The following TBCD variants were observed in gnomAD, a reference collection of about 807,000 sequenced individuals.
TBCD encodes tubulin folding cofactor D, also known as tubulin-specific chaperone D.
TBCD carries 105 observed loss-of-function variants against 169.3 expected under a neutral mutation model. The ratio of observed to expected loss-of-function variants is 0.62; its 90% CI spans 0.53 to 0.73. TBCD has a LOEUF of 0.73. Ranked by LOEUF, TBCD falls within the 30% of genes least tolerant of loss-of-function variation. The pLI is 0.00. For missense variants in TBCD, 1,444 were observed against 1,600.1 expected, an observed-to-expected ratio of 0.90 and a Z score of 1.66; for synonymous variants, 700 against 643.9, an observed-to-expected ratio of 1.09 and a Z score of -1.32.
chr17:82,801,046 G>T (rs2050476009), intron 9 of TBCD, 50 bp downstream of exon 9: 3 of 1,477,964 alleles, frequency 2.0e-6, no homozygotes, highest in East Asian at 2.7e-5. Flanking sequence ...GTGGGGAGGG[G>T]TTGCTGTGGG....
At chr17:82,774,785 G>A (rs759939699) in intron 6 of TBCD, among the ~76,000 whole-genome samples, 2 of 151,994 alleles carry the variant, frequency 1.3e-5, no homozygotes, top group African/African-American at 2.4e-5. Flanking sequence ...ACGTAAAATT[G>A]TGTACCGTTC....
chr17:82,939,131 C>T (rs1415821118), intron 36 of TBCD: 1 of 579,714 alleles, frequency 1.7e-6, no homozygotes. Flanking sequence ...ATGATGTCAT[C>T]TTCACTGCTG....
intron 14 of TBCD, among the ~76,000 whole-genome samples, chr17:82,883,284 T>C (rs1338603776): frequency 6.6e-6 from 1 of 152,268 alleles, no homozygotes; most frequent in Non-Finnish European, 1.5e-5. Context: ...TCTGAAATTC[T>C]GTTTTCCACC....
chr17:82,882,447 G>C (rs960928440), intron 14 of TBCD, among the ~76,000 whole-genome samples: 2 of 152,188 alleles, frequency 1.3e-5, no homozygotes, highest in African/African-American at 2.4e-5. Flanking sequence ...TGCTCTCTCT[G>C]ATAAATGCCC....
At chr17:82,818,688 C>T (rs2052144446) in intron 13 of TBCD, among the ~76,000 whole-genome samples, 1 of 152,268 alleles carries the variant, frequency 6.6e-6, no homozygotes, top group Non-Finnish European at 1.5e-5. Flanking sequence ...GCCCTTCGGC[C>T]TCCTCCATGT....
intron 13 of TBCD, among the ~76,000 whole-genome samples, chr17:82,857,789 T>G (rs1282418851): frequency 6.6e-6 from 1 of 151,612 alleles, no homozygotes; most frequent in East Asian, 1.9e-4. Flanking sequence ...TTTTCATTTT[T>G]TTTTTAAATT....
At position 82,884,775 on chromosome 17, in the gene TBCD, C is replaced by T. The variant is rs890471114; in HGVS notation, c.1533+573C>T. ...TGGGTGTGAGGAGCTGTAGCAACTG[C>T]TGCTGCGCTGAGCAGACTACTTCAT... On this transcript the variant is annotated intron_variant, in intron 15 of 38. Transcript: ENST00000355528. The surrounding 1 kb of genome is among the most constrained non-coding windows in gnomAD (Gnocchi z 4.2). The T allele has an allele frequency of 4.6e-4, 78 of 169,342 alleles. No individual in the cohort carries two copies. The highest frequency in any genetic ancestry group is 1.7e-3 in the African/African-American group (70 of 42,408). 10.5% of individuals were successfully genotyped at this position (169,342 alleles called of 1,614,324 possible).
At chr17:82,937,758 G>C in intron 35 of TBCD, 1 of 1,041,640 alleles carries the variant, frequency 9.6e-7, no homozygotes, top group Non-Finnish European at 1.4e-6. Context: ...CACCTTGGCT[G>C]CTCTGTGGCT....
chr17:82,858,614 G>T, intron 13 of TBCD: 1 of 985,440 alleles, frequency 1.0e-6, no homozygotes, highest in Non-Finnish European at 1.2e-6. Context: ...GGTTCGCTGG[G>T]TGTGCCTCAC....
chr17:82,862,383 A>G (rs8065641), intron 13 of TBCD, among the ~76,000 whole-genome samples: 41,359 of 151,528 alleles, frequency 0.27, 6,199 homozygotes, highest in Admixed American at 0.35. Flanking sequence ...AGGAAGCCGG[A>G]GGGAGAAGCC....
chr17:82,908,683 A>G (rs1043335184), intron 21 of TBCD, among the ~76,000 whole-genome samples: 24 of 152,172 alleles, frequency 1.6e-4, no homozygotes, highest in Admixed American at 1.0e-3. Context: ...ATGGCTGCAG[A>G]GTGCAGACGG....
At chr17:82,795,556 C>CA (rs2050040299) in intron 7 of TBCD, 4 of 985,664 alleles carry the variant, frequency 4.1e-6, no homozygotes, top group Non-Finnish European at 4.8e-6. Context: ...GGAATCTGGT[C>CA]ATGTGGCCAT....
intron 23 of TBCD, among the ~76,000 whole-genome samples, chr17:82,918,936 G>C (rs2061244144): frequency 6.6e-6 from 1 of 152,198 alleles, no homozygotes. Context: ...TGTCACAGGT[G>C]CCCACGTGGA....
chr17:82,892,318 T>TGG (rs2059198596), intron 16 of TBCD, among the ~76,000 whole-genome samples: 1 of 152,200 alleles, frequency 6.6e-6, no homozygotes, highest in South Asian at 2.1e-4. Context: ...TTGTGGCACC[T>TGG]GCTGTCTTTC....
intron 13 of TBCD, among the ~76,000 whole-genome samples, chr17:82,867,807 G>A (rs1189372891): frequency 2.6e-5 from 4 of 152,192 alleles, no homozygotes; most frequent in Non-Finnish European, 5.9e-5. Flanking sequence ...AGATACTCTT[G>A]CAAATCATCC....
At chr17:82,917,450 A>C (rs908247897) in intron 23 of TBCD, among the ~76,000 whole-genome samples, 3 of 152,040 alleles carry the variant, frequency 2.0e-5, no homozygotes, top group Non-Finnish European at 4.4e-5. Flanking sequence ...GCATGGTTTA[A>C]AATCTTTGTT....
In TBCD at chr17:82,927,982, C is replaced by G. The variant is rs1322803482; in HGVS notation, c.2687C>G (p.Ala896Gly). ...LARSQPELIE[A>G]HTCERIMCCV... is the part of the protein sequence containing the mutation. The stretch of plus-strand genomic sequence containing the variant: ...CGGAGCCAGCCTGAGCTGATCGAGG[C>G]CCATACGTGAGTGTCACGTCGCAGC... The change falls in exon 30 of 39, where the codon GCC becomes GGC. Residue 896 changes from alanine to glycine, a missense_variant. Transcript: ENST00000355528. The G allele has an allele frequency of 1.2e-6, 2 of 1,610,454 alleles. No individual in the cohort carries two copies. Among genetic ancestry groups the G allele is most frequent in the African/African-American group, 1.3e-5 (1 of 74,920 alleles).
At chr17:82,793,134 G>C (rs1300056712) in intron 7 of TBCD, among the ~76,000 whole-genome samples, 1 of 152,194 alleles carries the variant, frequency 6.6e-6, no homozygotes, top group African/African-American at 2.4e-5. Context: ...TATTTTGTCA[G>C]AAACAGTATA....
At chr17:82,939,257 C>T in intron 36 of TBCD, 110 bp from the exon 37 acceptor site, 1 of 841,814 alleles carries the variant, frequency 1.2e-6, no homozygotes, top group Non-Finnish European at 1.9e-6. Context: ...GGTCAGCGTC[C>T]TCCTCCTGAC....
Sources: gnomAD v4.1 joint callset for allele counts (sites outside exome capture counted in the v4.1 genomes callset) on GRCh38, gnomAD v4.1.1 for gene constraint, Gnocchi (gnomAD v3.1) non-coding constraint, MANE v1.5 for transcripts, NCBI Gene and HGNC (gene_info 2026-07-23, HGNC 2026-07-21) for gene names.